NAT9: variants seen among roughly 807,000 people sequenced by gnomAD.
The protein encoded by NAT9 is N-acetyltransferase 9, also known as alpha/beta-tubulin-N-acetyltransferase 9.
In NAT9, 18 loss-of-function variants were observed where a neutral mutation model predicts 24.0. The ratio of observed to expected loss-of-function variants is 0.75; its 90% CI spans 0.52 to 1.11. The LOEUF (loss-of-function observed/expected upper bound fraction) is 1.11. Ranked by LOEUF, NAT9 falls within the 50% of genes most tolerant of loss-of-function variation. The pLI, the probability that NAT9 is intolerant of heterozygous loss-of-function variation, is 0.00. For missense variants in NAT9, 254 were observed against 258.6 expected (o/e 0.98, Z 0.12); for synonymous variants, 104 against 102.3 (o/e 1.02, Z -0.10).
chr17:74,772,408 A>G (rs1279450144), intron 4 of NAT9, 131 bp from the exon 5 acceptor site: 1 of 1,438,536 alleles, frequency 7.0e-7, no homozygotes, highest in Non-Finnish European at 9.3e-7. Context: ...GCAGACGAGG[A>G]AACAGGCACA....
At chr17:74,775,504 T>G in intron 2 of NAT9, 118 bp downstream of exon 2, 1 of 854,240 alleles carries the variant, frequency 1.2e-6, no homozygotes, top group Non-Finnish European at 1.7e-6. Context: ...TCCCCCCTCA[T>G]ATATAATTAT....
Position 74,771,733 on chromosome 17 carries a change from C to T in NAT9, c.615G>A (p.Glu205=). The change falls in exon 7 of 7, where the codon GAG becomes GAA. Residue 205 remains glutamate (E), a synonymous_variant. Transcript: ENST00000357814. ...CCACAAGGCCCAGCCATCAGCAGGGCTCTGCCGACCCATCTCTGTAAGGCT... is the reference window on the plus strand; with the variant it reads ...CCACAAGGCCCAGCCATCAGCAGGGTTCTGCCGACCCATCTCTGTAAGGCT... The part of the protein sequence containing the change: ...EEKPYRDGSA[E]PC 2 of 1,613,712 alleles carry T rather than the reference C, an allele frequency of 1.2e-6. No homozygotes were observed. Among genetic ancestry groups the T allele is most frequent in the Non-Finnish European group, 1.7e-6 (2 of 1,180,036 alleles).
chr17:74,772,666 A>T, intron 4 of NAT9: 3 of 1,199,632 alleles, frequency 2.5e-6, no homozygotes, highest in Non-Finnish European at 3.4e-6. Context: ...AATCTACCCC[A>T]AACCAAGGGT....
chr17:74,772,006 C>T lies in NAT9; in HGVS notation c.443G>A (p.Gly148Glu), dbSNP rs376301495. 7 of 1,614,118 alleles carry T rather than the reference C, an allele frequency of 4.3e-6. No individual in the cohort carries two copies. Among genetic ancestry groups the T allele is most frequent in the Non-Finnish European group, 5.9e-6 (7 of 1,180,042 alleles). ...GAACATCCGGATGCTTGGTTCATTT[C>T]CTTGCCCAATTTTAGCCTCAAACTT... The part of the protein sequence containing the change: ...LTKFEAKIGQ[G>E]NEPSIRMFQK... The change falls in exon 6 of 7, where the codon GGA becomes GAA. Residue 148 changes from glycine (G) to glutamate (E), a missense_variant. Transcript: ENST00000357814.
intron 3 of NAT9, 193 bp downstream of exon 3, chr17:74,773,383 G>C: frequency 1.7e-6 from 1 of 603,038 alleles, no homozygotes; most frequent in South Asian, 2.0e-5. Flanking sequence ...GATGCAGTGG[G>C]TGGGGAAGAG....
At chr17:74,775,793 TAA>T (rs1187926261) in intron 1 of NAT9, 86 bp from the exon 2 acceptor site, 4 of 1,031,316 alleles carry the variant, frequency 3.9e-6, no homozygotes, top group Middle Eastern at 4.1e-4. Context: ...CTGCTGGGGC[TAA>T]GTTGACTTCC....
rs1439324612 is a variant in NAT9, at chr17:74,772,528, T to C, written c.335-251A>G. 7 of 1,411,030 alleles carry C rather than the reference T, an allele frequency of 5.0e-6. No homozygotes were observed. In the East Asian group the frequency reaches 1.5e-4, roughly 31 times the overall value. The allele number at this position is 1,411,030 out of a possible 1,614,324, so 87.4% of individuals were successfully genotyped here. The stretch of plus-strand genomic sequence containing the variant: ...CCTCATGGGGATAGTCAGTAGCCAC[T>C]TGGGGGAAACTGAGGACCATGAAGG... On this transcript the variant is annotated intron_variant, in intron 4 of 6. Transcript: ENST00000357814.
At chr17:74,774,412 T>C (rs928621801) in intron 2 of NAT9, among the ~76,000 whole-genome samples, 2 of 76,266 alleles carry the variant, frequency 2.6e-5, no homozygotes, top group East Asian at 8.6e-4. Flanking sequence ...GGTTCTGCTA[T>C]TTTTTTTTTT....
chr17:74,775,497 C>G, intron 2 of NAT9, 125 bp downstream of exon 2: 3 of 774,316 alleles, frequency 3.9e-6, no homozygotes, highest in Non-Finnish European at 3.8e-6. Flanking sequence ...CCTTTTTTCC[C>G]CCCTCATATA....
chr17:74,771,807 C>T lies in NAT9; in HGVS notation c.541G>A (p.Glu181Lys). Residue 181 changes from glutamate (E) to lysine (K), a missense_variant, in exon 7 of 7, where the codon GAG becomes AAG. Transcript: ENST00000357814. ...TCCAGAAGCCACTGATGCTCGGACT[C>T]ACTCACTGTCAGTCTGAGGGTCACC... ...QEVTLRLTVS[E>K]SEHQWLLEQT... 1 of 1,614,174 alleles carries T rather than the reference C, an allele frequency of 6.2e-7. No individual in the cohort carries two copies. Among genetic ancestry groups the T allele is most frequent in the Non-Finnish European group, 8.5e-7 (1 of 1,180,010 alleles).
chr17:74,774,689 A>G (rs900975583), intron 2 of NAT9, among the ~76,000 whole-genome samples: 1 of 151,032 alleles, frequency 6.6e-6, no homozygotes, highest in Non-Finnish European at 1.5e-5. Flanking sequence ...AGCTGGGACT[A>G]CAGGCGCCCG....
chr17:74,772,605 CT>C, intron 4 of NAT9: 3 of 1,392,908 alleles, frequency 2.2e-6, no homozygotes, highest in Non-Finnish European at 9.3e-7. Flanking sequence ...CTCCAGAGAC[CT>C]TTTTCTGAGG....
chr17:74,775,276 C>G (rs761894296), intron 2 of NAT9: 4 of 195,188 alleles, frequency 2.0e-5, no homozygotes, highest in South Asian at 2.4e-4. Context: ...CAGTCTTCAT[C>G]TCCTGGGCTC....
At position 74,771,383 on chromosome 17, in the gene NAT9, G is replaced by C. The variant is rs900952383; in HGVS notation, c.*341C>G. The stretch of plus-strand genomic sequence containing the variant: ...GCACCTCTGGCCTCTAAGGAGAAAG[G>C]CCTGTCCACTCCCATCCATGTTCCA... On this transcript the variant is annotated 3_prime_UTR_variant, in exon 7 of 7. Transcript: ENST00000357814. 1.8e-4 allele frequency: 66 copies of C among 365,564 alleles called. No homozygotes were observed. The highest frequency in any genetic ancestry group is 1.3e-3 in the African/African-American group (63 of 49,266). 22.6% of individuals were successfully genotyped at this position (365,564 alleles called of 1,614,324 possible).
chr17:74,773,458 C>A, intron 3 of NAT9, 118 bp downstream of exon 3: 1 of 893,370 alleles, frequency 1.1e-6, no homozygotes, highest in East Asian at 2.5e-5. Flanking sequence ...CCAGCACCTT[C>A]CAGGCTTTTC....
chr17:74,771,706 G>A lies in NAT9; in HGVS notation c.*18C>T, dbSNP rs779259903. ...AACACCCTGCTCACACAGAGTGGCT[G>A]CCCACAAGGCCCAGCCATCAGCAGG... On this transcript the variant is annotated 3_prime_UTR_variant, in exon 7 of 7. Transcript: ENST00000357814. 6.2e-7 allele frequency: 1 copy of A among 1,612,966 alleles called. No individual in the cohort carries two copies. Among genetic ancestry groups the A allele is most frequent in the Non-Finnish European group, 8.5e-7 (1 of 1,179,988 alleles).
Position 74,773,672 on chromosome 17 carries a change from T to C in NAT9, c.94A>G (p.Met32Val). ...EHVPSRYHEW[M>V]KSEELQRLTA... ...AAACGCTGCAGCTCCTCTGATTTCA[T>C]CCACTCGTGGTACCTGCTGGGACAG... The change falls in exon 3 of 7, where the codon ATG becomes GTG. Residue 32 changes from methionine to valine, a missense_variant. Transcript: ENST00000357814. 1 of 1,614,070 alleles carries C rather than the reference T, an allele frequency of 6.2e-7. No individual in the cohort carries two copies.
chr17:74,771,785 A>T lies in NAT9; in HGVS notation c.563T>A (p.Leu188Gln). The change falls in exon 7 of 7, where the codon CTG becomes CAG. Residue 188 changes from leucine to glutamine, a missense_variant. By Grantham distance (113) the Leu-to-Gln change is moderately radical (BLOSUM62 -2). Coordinates refer to ENST00000357814, the MANE Select transcript of NAT9 (RefSeq NM_015654.5). The part of the protein sequence containing the change: ...TVSESEHQWL[L>Q]EQTSHVEEKP... ...CTCTTCCACGTGGCTGGTCTGCTCC[A>T]GAAGCCACTGATGCTCGGACTCACT... 1.2e-6 allele frequency: 2 copies of T among 1,614,162 alleles called. No individual in the cohort carries two copies. Among genetic ancestry groups the T allele is most frequent in the Non-Finnish European group, 1.7e-6 (2 of 1,180,042 alleles).
At chr17:74,774,520 C>T (rs147070033) in intron 2 of NAT9, among the ~76,000 whole-genome samples, 2,049 of 146,080 alleles carry the variant, frequency 0.014, 64 homozygotes, top group African/African-American at 0.049. Context: ...TTATTAGAGA[C>T]GGGGTTTCTC....
Sources: allele counts gnomAD v4.1 joint callset (sites outside exome capture counted in the v4.1 genomes callset), GRCh38; gene constraint gnomAD v4.1.1; transcripts MANE v1.5; gene names NCBI Gene and HGNC (gene_info 2026-07-23, HGNC 2026-07-21).